Variants in SMYD3 observed in about 807,000 individuals in gnomAD.
The protein encoded by SMYD3 is histone-lysine N-methyltransferase SMYD3.
Under a neutral mutation model 57.7 loss-of-function variants are expected in SMYD3, and 36 were observed. The observed-to-expected ratio is 0.62, with a 90% CI of 0.48 to 0.82. The LOEUF is 0.82. SMYD3 is among the 40% of genes least tolerant of loss of function. SMYD3 has a pLI of 0.00. For missense variants in SMYD3, 515 were observed against 538.8 expected, an observed-to-expected ratio of 0.96 and a Z score of 0.44; for synonymous variants, 211 against 195.0, an observed-to-expected ratio of 1.08 and a Z score of -0.68.
chr1:245,848,277 C>G (rs78677104), intron 10 of SMYD3, among the ~76,000 whole-genome samples: 2 of 150,254 alleles, frequency 1.3e-5, no homozygotes, highest in African/African-American at 2.4e-5. Context: ...TTATTTTTTT[C>G]TGTGTGTGTG....
At chr1:246,442,298 T>C (rs2067481827) in intron 1 of SMYD3, among the ~76,000 whole-genome samples, 1 of 152,196 alleles carries the variant, frequency 6.6e-6, no homozygotes, top group South Asian at 2.1e-4. Context: ...GGCTCACGCC[T>C]GTAATCCCAG....
At chr1:246,300,812 T>A (rs1263532800) in intron 5 of SMYD3, among the ~76,000 whole-genome samples, 32 of 152,202 alleles carry the variant, frequency 2.1e-4, no homozygotes, top group Admixed American at 2.1e-3. Flanking sequence ...GTATTCAATG[T>A]TGGCTCTTAT....
intron 5 of SMYD3, among the ~76,000 whole-genome samples, chr1:246,294,352 G>A (rs2064753960): frequency 1.3e-5 from 2 of 152,236 alleles, no homozygotes; most frequent in African/African-American, 4.8e-5. Context: ...CTAATTTCTT[G>A]ACCAGATTAA....
chr1:245,995,017 C>T (rs1455899386), intron 5 of SMYD3, among the ~76,000 whole-genome samples: 2 of 151,908 alleles, frequency 1.3e-5, no homozygotes, highest in African/African-American at 4.8e-5. Context: ...CCAAGCTACC[C>T]GGGAGGTGGA....
At chr1:245,903,581 A>G (rs1355919377) in intron 8 of SMYD3, among the ~76,000 whole-genome samples, 1 of 152,216 alleles carries the variant, frequency 6.6e-6, no homozygotes, top group African/African-American at 2.4e-5. Context: ...GGGGCACTGA[A>G]GACATAGAAC....
At chr1:245,894,213 G>A (rs985665018) in intron 8 of SMYD3, among the ~76,000 whole-genome samples, 3 of 152,120 alleles carry the variant, frequency 2.0e-5, no homozygotes, top group East Asian at 3.9e-4. Context: ...ACCAATCAGC[G>A]CTCTGTAGCT....
intron 5 of SMYD3, among the ~76,000 whole-genome samples, chr1:246,178,343 A>G (rs999704504): frequency 1.3e-5 from 2 of 151,258 alleles, no homozygotes; most frequent in African/African-American, 4.9e-5. Context: ...AAAAGATTAA[A>G]GACTGAACTT....
chr1:246,256,068 T>G (rs2063887464), intron 5 of SMYD3, among the ~76,000 whole-genome samples: 1 of 152,208 alleles, frequency 6.6e-6, no homozygotes, highest in Non-Finnish European at 1.5e-5. Context: ...TTAACTTACA[T>G]GATTACAAGG....
intron 5 of SMYD3, among the ~76,000 whole-genome samples, chr1:246,164,830 G>A (rs900932304): frequency 5.9e-5 from 9 of 152,204 alleles, no homozygotes; most frequent in African/African-American, 1.7e-4. Context: ...TTATCAGTCC[G>A]TTCATTTACT....
At chr1:246,444,271 AT>A (rs1558468106) in intron 1 of SMYD3, among the ~76,000 whole-genome samples, 2 of 147,564 alleles carry the variant, frequency 1.4e-5, no homozygotes, top group East Asian at 3.9e-4. Flanking sequence ...GATTACAGGC[AT>A]GTGCCACCAC....
intron 1 of SMYD3, among the ~76,000 whole-genome samples, chr1:246,489,496 G>T (rs2068236823): frequency 6.6e-6 from 1 of 152,194 alleles, no homozygotes; most frequent in South Asian, 2.1e-4. Flanking sequence ...GAAGCCCAGG[G>T]TTTAAGAGGC....
chr1:245,804,478 G>A (rs997841898), intron 10 of SMYD3, among the ~76,000 whole-genome samples: 7 of 152,154 alleles, frequency 4.6e-5, no homozygotes, highest in African/African-American at 4.8e-5. Flanking sequence ...GAATGGCATG[G>A]ACCTGGGAGG....
intron 10 of SMYD3, among the ~76,000 whole-genome samples, chr1:245,806,916 CAAAAAAAAAAA>C (rs112012738): frequency 0.034 from 1,395 of 41,328 alleles, 16 homozygotes; most frequent in Middle Eastern, 0.13. Flanking sequence ...GACTCCGTCT[CAAAAAAAAAAA>C]AAAAAAAAAA....
At chr1:245,928,130 G>T (rs543109958) in intron 6 of SMYD3, 97 bp from the exon 7 acceptor site, 6 of 881,188 alleles carry the variant, frequency 6.8e-6, no homozygotes, top group African/African-American at 1.7e-5. Flanking sequence ...CCTTTGGGGG[G>T]CAGCAGCAGG....
chr1:245,823,902 A>C (rs1381016033), intron 10 of SMYD3, among the ~76,000 whole-genome samples: 1 of 152,228 alleles, frequency 6.6e-6, no homozygotes, highest in Non-Finnish European at 1.5e-5. Flanking sequence ...TTTTACTTCC[A>C]GAGCTGACTG....
At chr1:246,010,087 T>G (rs1416599380) in intron 5 of SMYD3, among the ~76,000 whole-genome samples, 1 of 143,880 alleles carries the variant, frequency 7.0e-6, no homozygotes, top group African/African-American at 2.6e-5. Context: ...CAAGACTCCA[T>G]CTCAAAAAAC....
At chr1:246,380,882 G>T (rs1008685065) in intron 1 of SMYD3, among the ~76,000 whole-genome samples, 1 of 152,224 alleles carries the variant, frequency 6.6e-6, no homozygotes, top group Non-Finnish European at 1.5e-5. Context: ...ATGGCCATGG[G>T]AAGAGGTAGC....
At chr1:245,970,230 A>C (rs1476150174) in intron 5 of SMYD3, among the ~76,000 whole-genome samples, 1 of 152,234 alleles carries the variant, frequency 6.6e-6, no homozygotes, top group African/African-American at 2.4e-5. Flanking sequence ...CCTATTTAAT[A>C]AATGGTGTTG....
chr1:245,881,186 T>TA (rs2052760712), intron 8 of SMYD3, among the ~76,000 whole-genome samples: 1 of 152,222 alleles, frequency 6.6e-6, no homozygotes, highest in Non-Finnish European at 1.5e-5. Flanking sequence ...AACACTGTGT[T>TA]ACTCAAGTCT....
Sources: allele counts gnomAD v4.1 joint callset (sites outside exome capture counted in the v4.1 genomes callset), GRCh38; gene constraint gnomAD v4.1.1; transcripts MANE v1.5; gene names NCBI Gene and HGNC (gene_info 2026-07-23, HGNC 2026-07-21).